The following ARHGAP28 variants were observed in gnomAD, a reference collection of about 807,000 sequenced individuals.
ARHGAP28 encodes rho GTPase-activating protein 28.
Under a neutral mutation model 90.7 loss-of-function variants are expected in ARHGAP28, and 56 were observed. The ratio of observed to expected loss-of-function variants is 0.62; its 90% confidence interval spans 0.50 to 0.77. ARHGAP28 has a LOEUF of 0.77. ARHGAP28 is among the 30% of genes least tolerant of loss of function. The pLI, the probability that ARHGAP28 is intolerant of heterozygous loss-of-function variation, is 0.00. For synonymous variants in ARHGAP28, 308 were observed against 323.3 expected (o/e 0.95, Z 0.51); for missense variants, 869 against 900.9 (o/e 0.96, Z 0.45).
At chr18:6,908,630 G>A (rs1363930202) in intron 16 of ARHGAP28, among the ~76,000 whole-genome samples, 1 of 152,140 alleles carries the variant, frequency 6.6e-6, no homozygotes, top group Non-Finnish European at 1.5e-5. Context: ...TACTAAACAC[G>A]CAGCTGCTCC....
At chr18:6,848,094 G>C (rs563135081) in intron 3 of ARHGAP28, among the ~76,000 whole-genome samples, 1 of 152,170 alleles carries the variant, frequency 6.6e-6, no homozygotes, top group East Asian at 1.9e-4. Flanking sequence ...GAACGCAGGT[G>C]TTCAGTATAA....
intron 11 of ARHGAP28, among the ~76,000 whole-genome samples, chr18:6,883,439 A>C (rs138058272): frequency 1.3e-5 from 2 of 151,902 alleles, no homozygotes; most frequent in African/African-American, 2.4e-5. Flanking sequence ...GGGTTTCGCC[A>C]TGTTGGCCAG....
At chr18:6,887,078 C>A in intron 11 of ARHGAP28, 79 bp from the exon 12 acceptor site, 1 of 1,301,918 alleles carries the variant, frequency 7.7e-7, no homozygotes, top group Non-Finnish European at 1.1e-6. Flanking sequence ...CCTCCTGTGC[C>A]ACCAGATGCT....
chr18:6,764,610 A>G (rs2056186420), intron 1 of ARHGAP28, among the ~76,000 whole-genome samples: 1 of 152,230 alleles, frequency 6.6e-6, no homozygotes, highest in Admixed American at 6.5e-5. Flanking sequence ...CTGAGGCAGC[A>G]GTCAGTTCTC....
chr18:6,752,376 C>G (rs2056076490), intron 1 of ARHGAP28, among the ~76,000 whole-genome samples: 1 of 152,180 alleles, frequency 6.6e-6, no homozygotes, highest in African/African-American at 2.4e-5. Context: ...CAAATCAAAA[C>G]AATGAAGCAA....
At chr18:6,772,238 A>C (rs1230010385) in intron 1 of ARHGAP28, among the ~76,000 whole-genome samples, 2 of 152,222 alleles carry the variant, frequency 1.3e-5, no homozygotes, top group Non-Finnish European at 2.9e-5. Flanking sequence ...CATGAATTTC[A>C]TTTGTACATT....
intron 1 of ARHGAP28, among the ~76,000 whole-genome samples, chr18:6,795,944 T>C (rs1295358513): frequency 6.6e-6 from 1 of 152,230 alleles, no homozygotes; most frequent in Non-Finnish European, 1.5e-5. Flanking sequence ...TGTGTAACAT[T>C]GGAACCTAAA....
At chr18:6,852,210 C>T (rs558948981) in intron 4 of ARHGAP28, among the ~76,000 whole-genome samples, 15 of 152,304 alleles carry the variant, frequency 9.8e-5, no homozygotes, top group South Asian at 4.1e-4. Context: ...TAATCACACA[C>T]ACCACTAAAC....
At chr18:6,783,494 T>A (rs1485330125) in intron 1 of ARHGAP28, among the ~76,000 whole-genome samples, 1 of 143,730 alleles carries the variant, frequency 7.0e-6, no homozygotes, top group East Asian at 1.9e-4. Flanking sequence ...AGAGACGGGG[T>A]TTCTCCATGT....
intron 2 of ARHGAP28, among the ~76,000 whole-genome samples, chr18:6,831,487 T>C (rs1454060842): frequency 2.4e-4 from 32 of 135,406 alleles, no homozygotes; most frequent in African/African-American, 6.1e-4. Context: ...TTTTTTTTTT[T>C]CTTTTTTTTT....
At chr18:6,902,259 G>C (rs2057342187) in intron 16 of ARHGAP28, among the ~76,000 whole-genome samples, 1 of 151,988 alleles carries the variant, frequency 6.6e-6, no homozygotes, top group Non-Finnish European at 1.5e-5. Flanking sequence ...TAATAATAAT[G>C]TATCAATATT....
intron 16 of ARHGAP28, among the ~76,000 whole-genome samples, chr18:6,899,117 G>T (rs1433275227): frequency 6.6e-6 from 1 of 152,078 alleles, no homozygotes; most frequent in Non-Finnish European, 1.5e-5. Context: ...GCCTATTTCA[G>T]TTTAAGTGTT....
chr18:6,851,673 T>TA (rs543931950), intron 4 of ARHGAP28, among the ~76,000 whole-genome samples: 492 of 151,914 alleles, frequency 3.2e-3, no homozygotes, highest in African/African-American at 0.011. Flanking sequence ...GGTAAATGGA[T>TA]AAAAAAAATT....
chr18:6,896,856 G>A (rs1215484947), intron 16 of ARHGAP28: 4 of 431,166 alleles, frequency 9.3e-6, no homozygotes, highest in Non-Finnish European at 1.7e-5. Flanking sequence ...TTCTTAATAG[G>A]TATTGTCTAT....
intron 1 of ARHGAP28, among the ~76,000 whole-genome samples, chr18:6,805,804 G>A (rs974010083): frequency 6.6e-6 from 1 of 151,656 alleles, no homozygotes; most frequent in Admixed American, 6.6e-5. Context: ...TTTTAATTGA[G>A]AGGTTTACAC....
At chr18:6,830,164 A>G (rs1479937090) in intron 2 of ARHGAP28, among the ~76,000 whole-genome samples, 1 of 152,008 alleles carries the variant, frequency 6.6e-6, no homozygotes, top group Non-Finnish European at 1.5e-5. Context: ...CACTTCATTT[A>G]TCATTTATTT....
At chr18:6,799,054 G>A (rs1297119444) in intron 1 of ARHGAP28, among the ~76,000 whole-genome samples, 1 of 152,172 alleles carries the variant, frequency 6.6e-6, no homozygotes, top group African/African-American at 2.4e-5. Flanking sequence ...TGTGTTGGCA[G>A]AACCTTTTCA....
intron 1 of ARHGAP28, among the ~76,000 whole-genome samples, chr18:6,800,402 A>G (rs539912685): frequency 9.2e-5 from 14 of 152,382 alleles, no homozygotes; most frequent in African/African-American, 3.4e-4. Flanking sequence ...ATAAAGACAC[A>G]TGCACACATA....
chr18:6,868,723 C>T (rs1432248750), intron 6 of ARHGAP28, among the ~76,000 whole-genome samples: 2 of 152,024 alleles, frequency 1.3e-5, no homozygotes, highest in African/African-American at 2.4e-5. Flanking sequence ...AGGAAATAGG[C>T]CCCTTTTGGC....
Sources: gnomAD v4.1 joint callset for allele counts (sites outside exome capture counted in the v4.1 genomes callset) on GRCh38, gnomAD v4.1.1 for gene constraint, MANE v1.5 for transcripts, NCBI Gene and HGNC (gene_info 2026-07-23, HGNC 2026-07-21) for gene names.